The following CA1 variants were observed in gnomAD, a reference collection of about 807,000 sequenced individuals.
The protein encoded by CA1 is carbonate dehydratase I.
Under a neutral mutation model 28.8 loss-of-function variants are expected in CA1, and 27 were observed. The ratio of observed to expected loss-of-function variants is 0.94; its 90% CI spans 0.69 to 1.29. The LOEUF (loss-of-function observed/expected upper bound fraction) is 1.29, where lower values mean the gene tolerates loss of function less well. Among genes scored for constraint, CA1 ranks in the 50% most tolerant of loss-of-function variants. The pLI is 0.00. For synonymous variants in CA1, 121 were observed against 108.8 expected (o/e 1.11, Z -0.70); for missense variants, 335 against 310.5 (o/e 1.08, Z -0.59).
chr8:85,332,330 CT>C, intron 6 of CA1, 159 bp downstream of exon 6: 1 of 627,772 alleles, frequency 1.6e-6, no homozygotes, highest in Non-Finnish European at 2.9e-6. Flanking sequence ...GCATTAGAGA[CT>C]TTCTCAGAGG....
intron 1 of CA1, among the ~76,000 whole-genome samples, chr8:85,353,165 C>T (rs1809475497): frequency 6.6e-6 from 1 of 152,174 alleles, no homozygotes; most frequent in South Asian, 2.1e-4. Context: ...GAACATGAGC[C>T]ATTAATCTTG....
intron 1 of CA1, among the ~76,000 whole-genome samples, chr8:85,368,539 T>C (rs1810097905): frequency 6.6e-6 from 1 of 152,118 alleles, no homozygotes. Flanking sequence ...GGAGGTGTTT[T>C]TTTTTTCACA....
At chr8:85,377,208 A>G (rs1810453577) in intron 1 of CA1, among the ~76,000 whole-genome samples, 1 of 152,214 alleles carries the variant, frequency 6.6e-6, no homozygotes, top group African/African-American at 2.4e-5. Context: ...TCTTCAGTCT[A>G]TACACAGTGT....
At chr8:85,336,139 T>C (rs1392120356) in intron 4 of CA1, among the ~76,000 whole-genome samples, 1 of 152,078 alleles carries the variant, frequency 6.6e-6, no homozygotes, top group Non-Finnish European at 1.5e-5. Flanking sequence ...ATGCTGACAG[T>C]AAAAAAGGTG....
At chr8:85,361,680 C>A (rs1401141844) in intron 1 of CA1, among the ~76,000 whole-genome samples, 1 of 152,048 alleles carries the variant, frequency 6.6e-6, no homozygotes, top group East Asian at 1.9e-4. Flanking sequence ...GGTGACAGAG[C>A]AAGACTCTGT....
chr8:85,332,558 G>A lies in CA1; in HGVS notation c.451-6C>T, dbSNP rs746675942. The stretch of plus-strand genomic sequence containing the variant: ...TTTGGGTTGGCCTCACCAACCTGGA[G>A]ATTTAAGAAAATAAAGTATGAGATA... On this transcript the variant is annotated splice_region_variant and splice_polypyrimidine_tract_variant and intron_variant, in intron 5 of 7. Coordinates refer to ENST00000523022, the MANE Select transcript of CA1 (RefSeq NM_001128831.4). The A allele has an allele frequency of 6.2e-7, 1 of 1,608,122 alleles. No homozygotes were observed. Among genetic ancestry groups the A allele is most frequent in the South Asian group, 1.1e-5 (1 of 90,966 alleles).
At chr8:85,329,530 G>A (rs1160060925) in intron 7 of CA1, among the ~76,000 whole-genome samples, 159 bp downstream of exon 7, 1 of 151,974 alleles carries the variant, frequency 6.6e-6, no homozygotes, top group Admixed American at 6.6e-5. Context: ...TTTTTGGATA[G>A]TTTAATAAAC....
intron 1 of CA1, among the ~76,000 whole-genome samples, chr8:85,356,930 C>T (rs1025444269): frequency 6.6e-6 from 1 of 152,156 alleles, no homozygotes; most frequent in Non-Finnish European, 1.5e-5. Flanking sequence ...ATCCCAGTTG[C>T]ACACCTGAAA....
At chr8:85,356,827 T>C (rs1809622434) in intron 1 of CA1, among the ~76,000 whole-genome samples, 1 of 152,194 alleles carries the variant, frequency 6.6e-6, no homozygotes. Context: ...AATTATTCTT[T>C]GTGTACTAGA....
chr8:85,361,801 T>A (rs6997458), intron 1 of CA1, among the ~76,000 whole-genome samples: 8 of 152,034 alleles, frequency 5.3e-5, no homozygotes, highest in Admixed American at 3.3e-4. Context: ...TCATCCTTTC[T>A]TCACTGGACC....
intron 1 of CA1, among the ~76,000 whole-genome samples, chr8:85,372,952 A>G (rs1399701525): frequency 6.6e-6 from 1 of 152,222 alleles, no homozygotes; most frequent in Non-Finnish European, 1.5e-5. Flanking sequence ...CCAAAGCCCA[A>G]GACTTGTGAT....
chr8:85,345,217 A>T (rs924552640), intron 1 of CA1, among the ~76,000 whole-genome samples: 3 of 152,148 alleles, frequency 2.0e-5, no homozygotes, highest in Non-Finnish European at 2.9e-5. Flanking sequence ...GTCTCCATCC[A>T]TACCGAGCTT....
At chr8:85,371,765 A>G (rs1810235772) in intron 1 of CA1, among the ~76,000 whole-genome samples, 1 of 152,190 alleles carries the variant, frequency 6.6e-6, no homozygotes, top group Non-Finnish European at 1.5e-5. Flanking sequence ...TAAAGACTGG[A>G]TTGCACTCAG....
chr8:85,344,235 A>ATAT (rs1491407644), intron 1 of CA1, among the ~76,000 whole-genome samples: 3 of 100,932 alleles, frequency 3.0e-5, no homozygotes, highest in Admixed American at 1.1e-4. Flanking sequence ...TACAGTATAT[A>ATAT]ATATATAATT....
At chr8:85,376,690 T>C (rs1341292194) in intron 1 of CA1, among the ~76,000 whole-genome samples, 1 of 150,334 alleles carries the variant, frequency 6.7e-6, no homozygotes, top group African/African-American at 2.5e-5. Flanking sequence ...AATAAATAAA[T>C]AAATAAATAA....
intron 4 of CA1, 30 bp downstream of exon 4, chr8:85,336,915 A>G (rs1808679428): frequency 7.8e-7 from 1 of 1,276,584 alleles, no homozygotes; most frequent in Non-Finnish European, 1.1e-6. Flanking sequence ...CTCTCAGGGT[A>G]ATTATCTCTC....
At chr8:85,343,826 G>C (rs540207488) in intron 1 of CA1, among the ~76,000 whole-genome samples, 15 of 151,866 alleles carry the variant, frequency 9.9e-5, no homozygotes, top group Admixed American at 2.6e-4. Flanking sequence ...AAATTATATA[G>C]AGAAAGGATA....
intron 2 of CA1, 110 bp downstream of exon 2, chr8:85,341,489 G>T: frequency 1.3e-6 from 1 of 760,704 alleles, no homozygotes; most frequent in Non-Finnish European, 2.4e-6. Context: ...AAAGCAGACA[G>T]TTCAACAATT....
intron 1 of CA1, among the ~76,000 whole-genome samples, chr8:85,358,711 G>A (rs549428906): frequency 6.6e-6 from 1 of 152,264 alleles, no homozygotes; most frequent in East Asian, 1.9e-4. Flanking sequence ...TTGGCCAATG[G>A]GACATCAGCG....
Sources: allele counts gnomAD v4.1 joint callset (sites outside exome capture counted in the v4.1 genomes callset), GRCh38; gene constraint gnomAD v4.1.1; transcripts MANE v1.5; gene names NCBI Gene and HGNC (gene_info 2026-07-23, HGNC 2026-07-21).